The following CACNB2 variants were observed in gnomAD, a reference collection of about 807,000 sequenced individuals.
CACNB2 encodes the protein voltage-dependent L-type calcium channel subunit beta-2.
In CACNB2, 42 loss-of-function variants were observed where a neutral mutation model predicts 73.3. The observed-to-expected ratio is 0.57, with a 90% CI of 0.45 to 0.74. The LOEUF (loss-of-function observed/expected upper bound fraction) is 0.74, where lower values mean the gene tolerates loss of function less well. CACNB2 is among the 30% of genes least tolerant of loss of function. The pLI, the probability that CACNB2 is intolerant of heterozygous loss-of-function variation, is 0.00. For synonymous variants in CACNB2, 348 were observed against 310.3 expected (o/e 1.12, Z -1.28); for missense variants, 940 against 853.0 (o/e 1.10, Z -1.27).
intron 2 of CACNB2, among the ~76,000 whole-genome samples, chr10:18,222,660 G>A (rs1386094746): frequency 1.3e-5 from 2 of 152,226 alleles, no homozygotes; most frequent in Non-Finnish European, 2.9e-5. Flanking sequence ...GAAATGGCCA[G>A]GCACAGTGGC....
chr10:18,304,373 A>G (rs1387612878), intron 2 of CACNB2, among the ~76,000 whole-genome samples: 3 of 152,184 alleles, frequency 2.0e-5, no homozygotes, highest in Non-Finnish European at 2.9e-5. Context: ...TGTTTATACC[A>G]CCTAAGAGTT....
intron 4 of CACNB2, 102 bp from the exon 5 acceptor site, chr10:18,500,710 T>G: frequency 8.5e-7 from 1 of 1,175,524 alleles, no homozygotes; most frequent in Non-Finnish European, 1.3e-6. Context: ...TAAGGCATAG[T>G]TAATGGTCAT....
intron 3 of CACNB2, among the ~76,000 whole-genome samples, chr10:18,460,887 CAAA>C (rs5783603): frequency 0.54 from 75,891 of 140,518 alleles, 22,088 homozygotes; most frequent in Non-Finnish European, 0.68. Flanking sequence ...AAGATCTTTC[CAAA>C]AAAAAAAAAA....
chr10:18,373,747 A>G (rs1172101460), intron 2 of CACNB2, among the ~76,000 whole-genome samples: 1 of 152,196 alleles, frequency 6.6e-6, no homozygotes, highest in African/African-American at 2.4e-5. Context: ...TAGTTAATGC[A>G]TAAGATGTTA....
At chr10:18,406,652 C>T (rs1367794100) in intron 3 of CACNB2, among the ~76,000 whole-genome samples, 2 of 152,182 alleles carry the variant, frequency 1.3e-5, no homozygotes, top group Non-Finnish European at 1.5e-5. Flanking sequence ...ACTGATTCTA[C>T]ATGATTGTAA....
At chr10:18,517,049 A>G (rs1246192997) in intron 7 of CACNB2, among the ~76,000 whole-genome samples, 1 of 152,232 alleles carries the variant, frequency 6.6e-6, no homozygotes. Flanking sequence ...TGAAGCCAGA[A>G]AAGTTTGTAA....
intron 3 of CACNB2, among the ~76,000 whole-genome samples, chr10:18,448,479 T>TAAAAAAAAAAAAAAAAAAAA (rs56255761): frequency 2.1e-4 from 22 of 106,992 alleles, no homozygotes; most frequent in Non-Finnish European, 3.3e-4. Context: ...CTCTCTCATT[T>TAAAAAAAAAAAAAAAAAAAA]AAAAAAAAAA....
chr10:18,470,655 C>A (rs2048137805), intron 3 of CACNB2, among the ~76,000 whole-genome samples: 1 of 152,018 alleles, frequency 6.6e-6, no homozygotes, highest in Non-Finnish European at 1.5e-5. Context: ...ATTATACATG[C>A]AGTTCACCAG....
At chr10:18,249,828 C>T (rs916849965) in intron 2 of CACNB2, among the ~76,000 whole-genome samples, 1 of 152,186 alleles carries the variant, frequency 6.6e-6, no homozygotes, top group Non-Finnish European at 1.5e-5. Flanking sequence ...TACCTGACTG[C>T]TCCACATCGA....
At chr10:18,166,859 C>T (rs1201431336) in intron 2 of CACNB2, among the ~76,000 whole-genome samples, 3 of 152,012 alleles carry the variant, frequency 2.0e-5, no homozygotes, top group Admixed American at 1.3e-4. Context: ...CAATCCTGCA[C>T]GTTGTGCACG....
intron 1 of CACNB2, among the ~76,000 whole-genome samples, chr10:18,148,925 G>A (rs1490424313): frequency 6.6e-6 from 1 of 151,404 alleles, no homozygotes; most frequent in Non-Finnish European, 1.5e-5. Context: ...CCCAGAGGGT[G>A]TGGGGTGTAG....
chr10:18,498,399 T>G lies in CACNB2; in HGVS notation c.378T>G (p.Ser126Arg). Residue 126 changes from serine to arginine, a missense_variant, in exon 4 of 14, where the codon AGT becomes AGG. Transcript: ENST00000324631. ...AFAVRTNVSY[S>R]AAHEDDVPVP... is the part of the protein sequence containing the mutation. ...CGGTTCGGACAAATGTCAGCTACAGTGCGGCCCATGAAGATGATGTTCCAG... is the reference window on the plus strand; with the variant it reads ...CGGTTCGGACAAATGTCAGCTACAGGGCGGCCCATGAAGATGATGTTCCAG... The G allele has an allele frequency of 6.2e-7, 1 of 1,614,146 alleles. No individual in the cohort carries two copies. The highest frequency in any genetic ancestry group is 8.5e-7 in the Non-Finnish European group (1 of 1,179,974).
intron 3 of CACNB2, among the ~76,000 whole-genome samples, chr10:18,405,477 G>A (rs1350816079): frequency 6.6e-6 from 1 of 152,110 alleles, no homozygotes; most frequent in Non-Finnish European, 1.5e-5. Context: ...TTGTGTGTGG[G>A]CGTATGTTTT....
At chr10:18,156,875 A>C (rs1047016632) in intron 2 of CACNB2, among the ~76,000 whole-genome samples, 36 of 68,356 alleles carry the variant, frequency 5.3e-4, no homozygotes, top group East Asian at 2.7e-3. Flanking sequence ...CTAAAAGTAG[A>C]AAAAAAAAAA....
intron 2 of CACNB2, among the ~76,000 whole-genome samples, chr10:18,171,041 G>A (rs552990177): frequency 3.3e-5 from 5 of 152,250 alleles, no homozygotes; most frequent in Non-Finnish European, 5.9e-5. Flanking sequence ...ATCATTAAAC[G>A]CACACTCTGC....
chr10:18,230,117 A>G (rs11013094), intron 2 of CACNB2, among the ~76,000 whole-genome samples: 49,512 of 152,086 alleles, frequency 0.33, 12,567 homozygotes, highest in African/African-American at 0.71. Context: ...GAAATTATTG[A>G]CATCATATTT....
chr10:18,539,146 ACT>A lies in CACNB2; in HGVS notation c.1489-81_1489-80del, dbSNP rs1005126483. On this transcript the variant is annotated intron_variant, in intron 13 of 13. Transcript: ENST00000324631. ...TCAGCTTTTCGGATGCTTAAAAAGG[ACT>A]CTGCTTGAATGCACTTGCTCTGGGA... 1.3e-5 allele frequency: 21 copies of A among 1,557,312 alleles called. No homozygotes were observed. The African/African-American group carries it at 2.6e-4, about 19-fold the overall frequency.
At chr10:18,488,051 C>T (rs1036919258) in intron 3 of CACNB2, among the ~76,000 whole-genome samples, 3 of 151,192 alleles carry the variant, frequency 2.0e-5, no homozygotes, top group Non-Finnish European at 4.4e-5. Flanking sequence ...TCAGGTGGTC[C>T]GCTTGCCTCG....
intron 2 of CACNB2, among the ~76,000 whole-genome samples, chr10:18,226,633 A>G (rs971965123): frequency 3.9e-5 from 6 of 152,190 alleles, no homozygotes; most frequent in Non-Finnish European, 8.8e-5. Context: ...TGGCCGTATG[A>G]TCACTAATGA....
Sources: allele counts gnomAD v4.1 joint callset (sites outside exome capture counted in the v4.1 genomes callset), GRCh38; gene constraint gnomAD v4.1.1; transcripts MANE v1.5; gene names NCBI Gene and HGNC (gene_info 2026-07-23, HGNC 2026-07-21).